The following TSHZ2 variants were observed in gnomAD, a reference collection of about 807,000 sequenced individuals.
TSHZ2 encodes the protein teashirt homolog 2.
A neutral mutation model predicts 74.4 loss-of-function variants in TSHZ2; 21 were observed. That is an observed-to-expected ratio of 0.28 (90% CI 0.20 to 0.41). The LOEUF (loss-of-function observed/expected upper bound fraction) is 0.41, where lower values mean the gene tolerates loss of function less well. TSHZ2 is among the 10% of genes least tolerant of loss of function. The pLI is 1.00. For synonymous variants in TSHZ2, 540 were observed against 515.3 expected (o/e 1.05, Z -0.65); for missense variants, 1,244 against 1,293.5 (o/e 0.96, Z 0.59).
At chr20:53,186,901 A>AATAT (rs540729094) in intron 1 of TSHZ2, among the ~76,000 whole-genome samples, 160 of 149,180 alleles carry the variant, frequency 1.1e-3, no homozygotes, top group Middle Eastern at 3.5e-3. Context: ...ACTAGGGTTT[A>AATAT]ATATATATAT....
intron 2 of TSHZ2, among the ~76,000 whole-genome samples, chr20:53,462,735 G>A (rs953673229): frequency 6.6e-6 from 1 of 152,196 alleles, no homozygotes; most frequent in African/African-American, 2.4e-5. Context: ...AAGAAAGCCT[G>A]GTTCCATGTT....
At chr20:52,987,503 C>T (rs1981817735) in intron 1 of TSHZ2, among the ~76,000 whole-genome samples, 1 of 151,498 alleles carries the variant, frequency 6.6e-6, no homozygotes, top group Non-Finnish European at 1.5e-5. Flanking sequence ...CTTTCCCTCT[C>T]TCTTTCTCCC....
rs1474862071 is a variant in TSHZ2 at position 53,425,801 on chromosome 20, GTTTTTTTTTTTCTCACCATC to G, written c.*9-61341_*9-61322del. Among the ~76,000 whole-genome samples, 3 of 146,490 alleles carry G rather than the reference GTTTTTTTTTTTCTCACCATC, an allele frequency of 2.0e-5. No homozygotes were observed. In the East Asian group the frequency reaches 5.9e-4, roughly 29 times the overall value. ...TGTTTATGTCATAAAACGTTCTTTT[GTTTTTTTTTTTCTCACCATC>G]TAAAAATATAAACATTATTCTTAAC... On this transcript the variant is annotated intron_variant, in intron 2 of 2. Coordinates refer to ENST00000371497, the MANE Select transcript of TSHZ2 (RefSeq NM_173485.6).
At chr20:53,058,080 G>A (rs181829115) in intron 1 of TSHZ2, among the ~76,000 whole-genome samples, 7 of 152,238 alleles carry the variant, frequency 4.6e-5, no homozygotes, top group South Asian at 2.1e-4. Flanking sequence ...ATCGCACAAC[G>A]TAGATCCCTC....
In TSHZ2 at chr20:53,254,467, A is replaced by T. The variant is rs779401279; in HGVS notation, c.1009A>T (p.Thr337Ser). 1 of 1,614,056 alleles carries T rather than the reference A, an allele frequency of 6.2e-7. No individual in the cohort carries two copies. The highest frequency in any genetic ancestry group is 1.7e-5 in the Admixed American group (1 of 60,020). ...TCGGCCGTGTTCCCCCGATTCAACC[A>T]CAGGATCTTTTGCAGATTCTTTTTC... ...VNRPCSPDST[T>S]GSFADSFSSQ... Residue 337 changes from threonine to serine, a missense_variant, in exon 2 of 3, where the codon ACA (threonine) becomes TCA (serine). This residue lies in a region of TSHZ2 where 470 missense variants were observed against 456.5 expected (regional missense o/e 1.03). Transcript: ENST00000371497.
Position 53,260,711 on chromosome 20 carries a change from G to T in TSHZ2, c.*8+4140G>T, listed in dbSNP as rs138481202. On this transcript the variant is annotated intron_variant, in intron 2 of 2. Transcript: ENST00000371497. Reference sequence around the variant, plus strand: ...TATCCTTCTCATAGGAAGGTTGTAAGAATTAAATGTATGTAATTATTTTCC... The same window carrying T: ...TATCCTTCTCATAGGAAGGTTGTAATAATTAAATGTATGTAATTATTTTCC... 1.8e-4 allele frequency among the ~76,000 whole-genome samples: 27 copies of T among 152,274 alleles called. No homozygotes were observed. In the East Asian group the frequency reaches 2.9e-3, roughly 16 times the overall value.
At chr20:53,230,901 G>GA (rs540821858) in intron 1 of TSHZ2, among the ~76,000 whole-genome samples, 132 of 151,844 alleles carry the variant, frequency 8.7e-4, no homozygotes, top group South Asian at 1.9e-3. Context: ...AAAGAAAAAA[G>GA]AAAAAATATT....
intron 2 of TSHZ2, among the ~76,000 whole-genome samples, chr20:53,336,147 A>G (rs1979940508): frequency 6.6e-6 from 1 of 152,208 alleles, no homozygotes; most frequent in Non-Finnish European, 1.5e-5. Flanking sequence ...AGAAACCTTC[A>G]TTAAGAAATG....
intron 1 of TSHZ2, among the ~76,000 whole-genome samples, chr20:53,204,656 C>T (rs961942747): frequency 6.6e-5 from 10 of 152,134 alleles, no homozygotes; most frequent in Admixed American, 2.0e-4. Flanking sequence ...CACCATTTAC[C>T]GGGTTCCTAC....
chr20:53,148,342 G>T (rs559494631), intron 1 of TSHZ2, among the ~76,000 whole-genome samples: 3 of 152,174 alleles, frequency 2.0e-5, no homozygotes, highest in Non-Finnish European at 4.4e-5. Context: ...AGCATCTAGC[G>T]TGTAGAGGCG....
intron 2 of TSHZ2, among the ~76,000 whole-genome samples, chr20:53,394,142 T>A (rs557247267): frequency 6.6e-6 from 1 of 152,326 alleles, no homozygotes; most frequent in African/African-American, 2.4e-5. Context: ...TTATATTCCC[T>A]CAATAAGGAA....
Position 52,980,892 on chromosome 20 carries a change from T to A in TSHZ2, c.40+7559T>A, listed in dbSNP as rs536223965. Reference sequence around the variant, plus strand: ...AGGGCTTACTTTAAATCACTTCAATTTATCAGATCCTTGGAATTTTTTTTA... The same window carrying A: ...AGGGCTTACTTTAAATCACTTCAATATATCAGATCCTTGGAATTTTTTTTA... On this transcript the variant is annotated intron_variant, in intron 1 of 2. Transcript: ENST00000371497. Among the ~76,000 whole-genome samples, 3 of 152,256 alleles carry A rather than the reference T, an allele frequency of 2.0e-5. No homozygotes were observed. In the South Asian group the frequency reaches 6.2e-4, roughly 32 times the overall value.
intron 1 of TSHZ2, among the ~76,000 whole-genome samples, chr20:52,991,953 G>T (rs1982013266): frequency 6.6e-6 from 1 of 152,210 alleles, no homozygotes; most frequent in South Asian, 2.1e-4. Flanking sequence ...CGACGTCACA[G>T]TGTATTTTCC....
At chr20:53,193,860 G>C (rs1452997474) in intron 1 of TSHZ2, among the ~76,000 whole-genome samples, 1 of 151,656 alleles carries the variant, frequency 6.6e-6, no homozygotes, top group Non-Finnish European at 1.5e-5. Context: ...GACAGTAAGA[G>C]GGAGGAACCT....
Position 53,308,177 on chromosome 20 carries a change from G to A in TSHZ2, c.*8+51606G>A, listed in dbSNP as rs941772789. The stretch of plus-strand genomic sequence containing the variant: ...AGAAGAAATAGACATGTGTACTGGG[G>A]AGTCATGTTTGGTCTCCAGTTAGGT... On this transcript the variant is annotated intron_variant, in intron 2 of 2. Transcript: ENST00000371497. Among the ~76,000 whole-genome samples the A allele has an allele frequency of 4.6e-5, 7 of 152,304 alleles. No homozygotes were observed. In the South Asian group the frequency reaches 8.3e-4, roughly 18 times the overall value.
At chr20:53,232,765 C>T (rs1160739577) in intron 1 of TSHZ2, among the ~76,000 whole-genome samples, 1 of 152,138 alleles carries the variant, frequency 6.6e-6, no homozygotes, top group Non-Finnish European at 1.5e-5. Context: ...TCTGTATGGT[C>T]TGTTGTATTG....
At chr20:53,159,230 TA>T (rs1392675051) in intron 1 of TSHZ2, among the ~76,000 whole-genome samples, 2 of 152,238 alleles carry the variant, frequency 1.3e-5, no homozygotes, top group African/African-American at 4.8e-5. Flanking sequence ...TTTCCAGAGT[TA>T]AATGCCAGGC....
intron 1 of TSHZ2, among the ~76,000 whole-genome samples, chr20:53,021,477 C>T (rs1046766296): frequency 1.3e-5 from 2 of 152,190 alleles, no homozygotes; most frequent in East Asian, 3.8e-4. Flanking sequence ...GGTTTGCCTT[C>T]TTTCTTCCTT....
chr20:53,024,949 A>G (rs552738002), intron 1 of TSHZ2, among the ~76,000 whole-genome samples: 4 of 152,296 alleles, frequency 2.6e-5, no homozygotes, highest in Non-Finnish European at 4.4e-5. Context: ...TACTGCCACA[A>G]TAGACATACG....
Sources: allele counts gnomAD v4.1 joint callset (sites outside exome capture counted in the v4.1 genomes callset), GRCh38; gene constraint gnomAD v4.1.1; regional missense constraint gnomAD v4.1.1; transcripts MANE v1.5; gene names NCBI Gene and HGNC (gene_info 2026-07-23, HGNC 2026-07-21).